LRP1B: variants seen among roughly 807,000 people sequenced by gnomAD.
LRP1B encodes the protein low-density lipoprotein receptor-related protein 1B.
A neutral mutation model predicts 556.6 loss-of-function variants in LRP1B; 217 were observed. That is an observed-to-expected ratio of 0.39 (90% CI 0.35 to 0.44). The LOEUF (loss-of-function observed/expected upper bound fraction) is 0.44, where lower values mean the gene tolerates loss of function less well. LRP1B is among the 20% of genes least tolerant of loss of function. LRP1B has a pLI of 1.00. For synonymous variants in LRP1B, 2,047 were observed against 1,865.8 expected (o/e 1.10, Z -2.50); for missense variants, 5,053 against 5,620.8 (o/e 0.90, Z 3.23).
intron 3 of LRP1B, among the ~76,000 whole-genome samples, chr2:141,460,065 A>G (rs765981228): frequency 2.0e-5 from 3 of 152,132 alleles, no homozygotes; most frequent in Non-Finnish European, 4.4e-5. Context: ...ACACTCAGAA[A>G]CCTAAATTTT....
rs2105359181 is a variant in LRP1B at position 140,994,114 on chromosome 2, G to A, written c.2525C>T (p.Pro842Leu). 6.2e-7 allele frequency: 1 copy of A among 1,612,444 alleles called. No homozygotes were observed. The highest frequency in any genetic ancestry group is 8.5e-7 in the Non-Finnish European group (1 of 1,178,956). ...TCTFNPGEAL[P>L]HICKAGEFRC... Reference sequence around the variant, plus strand: ...AAACTCTCCAGCTTTACATATGTGAGGTAGTGCTTCTCCAGGATTAACTAG... The same window carrying A: ...AAACTCTCCAGCTTTACATATGTGAAGTAGTGCTTCTCCAGGATTAACTAG... The change falls in exon 16 of 91, where the codon CCT (proline) becomes CTT (leucine). Residue 842 changes from proline (P) to leucine (L), a missense_variant. Pro to Leu is a moderately conservative substitution (Grantham distance 98). Coordinates refer to ENST00000389484, the MANE Select transcript of LRP1B (RefSeq NM_018557.3).
At chr2:140,524,807 G>A (rs561400408) in intron 49 of LRP1B, among the ~76,000 whole-genome samples, 17 of 151,846 alleles carry the variant, frequency 1.1e-4, no homozygotes, top group African/African-American at 4.1e-4. Context: ...GGGAGAGGGA[G>A]GAAGGAGGCA....
chr2:141,913,912 A>G (rs935676629), intron 1 of LRP1B, among the ~76,000 whole-genome samples: 1 of 151,994 alleles, frequency 6.6e-6, no homozygotes, highest in Non-Finnish European at 1.5e-5. Flanking sequence ...ACACCCAGGT[A>G]ATTTTTTGTA....
At chr2:140,805,420 T>C (rs1207562449) in intron 32 of LRP1B, among the ~76,000 whole-genome samples, 1 of 152,152 alleles carries the variant, frequency 6.6e-6, no homozygotes, top group Non-Finnish European at 1.5e-5. Flanking sequence ...TTCTAAGATT[T>C]GATGGTTGTT....
chr2:141,860,283 C>A (rs1698195034), intron 1 of LRP1B, among the ~76,000 whole-genome samples: 1 of 152,134 alleles, frequency 6.6e-6, no homozygotes, highest in African/African-American at 2.4e-5. Context: ...TTAGCAATTT[C>A]TTCAGTAACG....
chr2:141,684,109 A>C (rs1691204481), intron 2 of LRP1B, among the ~76,000 whole-genome samples: 1 of 152,116 alleles, frequency 6.6e-6, no homozygotes, highest in Non-Finnish European at 1.5e-5. Flanking sequence ...CTGGGTATAT[A>C]CCCAAAGGAT....
chr2:140,459,780 G>A (rs1403220040), intron 60 of LRP1B, among the ~76,000 whole-genome samples: 1 of 152,082 alleles, frequency 6.6e-6, no homozygotes. Flanking sequence ...CTGGTGGGAG[G>A]TGATTGGATC....
At chr2:140,235,773 GATTA>G (rs768038035) in intron 89 of LRP1B, among the ~76,000 whole-genome samples, 6 of 150,812 alleles carry the variant, frequency 4.0e-5, no homozygotes, top group African/African-American at 7.3e-5. Context: ...TACAAAATTG[GATTA>G]ATTCTATCAC....
At chr2:141,339,261 T>G (rs1573827131) in intron 3 of LRP1B, among the ~76,000 whole-genome samples, 2 of 151,722 alleles carry the variant, frequency 1.3e-5, no homozygotes, top group South Asian at 4.2e-4. Context: ...GGAATCTTGC[T>G]TCTTTATGTT....
intron 67 of LRP1B, among the ~76,000 whole-genome samples, chr2:140,380,466 G>A (rs1474817511): frequency 6.6e-6 from 1 of 152,098 alleles, no homozygotes; most frequent in Non-Finnish European, 1.5e-5. Context: ...CCTCCTGGTT[G>A]CAGACACATG....
intron 2 of LRP1B, among the ~76,000 whole-genome samples, chr2:141,491,389 G>A (rs1238090293): frequency 2.6e-5 from 4 of 152,138 alleles, no homozygotes; most frequent in African/African-American, 9.7e-5. Context: ...AAGATGAAAT[G>A]TTTCACTTGT....
At chr2:141,135,502 G>A (rs1033312929) in intron 7 of LRP1B, among the ~76,000 whole-genome samples, 7 of 151,982 alleles carry the variant, frequency 4.6e-5, no homozygotes, top group Non-Finnish European at 1.0e-4. Context: ...ATTAACGTTT[G>A]AAGCAACACA....
chr2:141,224,080 A>G (rs1206529547), intron 6 of LRP1B, among the ~76,000 whole-genome samples: 1 of 152,156 alleles, frequency 6.6e-6, no homozygotes, highest in Admixed American at 6.6e-5. Flanking sequence ...AGAAACTATC[A>G]TTAGAGCAAA....
At chr2:140,444,774 A>C in intron 63 of LRP1B, 95 bp from the exon 64 acceptor site, 1 of 744,936 alleles carries the variant, frequency 1.3e-6, no homozygotes, top group East Asian at 2.6e-5. Flanking sequence ...TACTATAATA[A>C]ATATATCCTG....
intron 35 of LRP1B, among the ~76,000 whole-genome samples, chr2:140,727,457 A>G (rs1407061480): frequency 6.6e-6 from 1 of 152,158 alleles, no homozygotes; most frequent in Non-Finnish European, 1.5e-5. Context: ...GGAGGAGGCT[A>G]TGAAAGTTCT....
At chr2:141,604,234 C>A (rs1458672518) in intron 2 of LRP1B, among the ~76,000 whole-genome samples, 1 of 152,062 alleles carries the variant, frequency 6.6e-6, no homozygotes, top group Non-Finnish European at 1.5e-5. Flanking sequence ...ATAAATTATA[C>A]AAAATGGTTG....
intron 3 of LRP1B, among the ~76,000 whole-genome samples, chr2:141,290,872 G>A (rs188386966): frequency 6.6e-6 from 1 of 152,128 alleles, no homozygotes; most frequent in East Asian, 1.9e-4. Flanking sequence ...CTCAAGATGA[G>A]CCTACCTTCA....
chr2:141,391,218 G>T (rs1690038337), intron 3 of LRP1B, among the ~76,000 whole-genome samples: 1 of 152,154 alleles, frequency 6.6e-6, no homozygotes, highest in African/African-American at 2.4e-5. Flanking sequence ...TAAATTCTAT[G>T]ATTTTAGTGA....
At chr2:140,791,709 T>C (rs1690126658) in intron 32 of LRP1B, among the ~76,000 whole-genome samples, 1 of 152,170 alleles carries the variant, frequency 6.6e-6, no homozygotes, top group South Asian at 2.1e-4. Context: ...CAGAACCAAC[T>C]ATTCATAATT....
Sources: allele counts gnomAD v4.1 joint callset (sites outside exome capture counted in the v4.1 genomes callset), GRCh38; gene constraint gnomAD v4.1.1; transcripts MANE v1.5; gene names NCBI Gene and HGNC (gene_info 2026-07-23, HGNC 2026-07-21).